BLM: variants seen among roughly 807,000 people sequenced by gnomAD.
BLM encodes BLM RecQ like helicase.
Under a neutral mutation model 135.3 loss-of-function variants are expected in BLM, and 95 were observed. The observed-to-expected ratio is 0.70, with a 90% CI of 0.59 to 0.83. BLM has a LOEUF of 0.83. BLM is among the 40% of genes least tolerant of loss of function. The pLI, the probability that BLM is intolerant of heterozygous loss-of-function variation, is 0.00. For missense variants in BLM, 1,518 were observed against 1,663.9 expected (o/e 0.91, Z 1.53); for synonymous variants, 520 against 589.2 (o/e 0.88, Z 1.70).
chr15:90,772,090 T>C (rs1182067565), intron 12 of BLM, among the ~76,000 whole-genome samples: 2 of 152,226 alleles, frequency 1.3e-5, no homozygotes, highest in African/African-American at 4.8e-5. Flanking sequence ...TGTTTGGCAC[T>C]TCTCTGCATT....
rs28385069 is a variant in BLM at position 90,790,035 on chromosome 15, C to A, written c.2824-614C>A. Among the ~76,000 whole-genome samples, 587 of 106,882 alleles carry A rather than the reference C, an allele frequency of 5.5e-3. 4 individuals are homozygous for A. Among genetic ancestry groups the A allele is most frequent in the African/African-American group, 0.02 (561 of 27,410 alleles). 70.1% of individuals were successfully genotyped at this position (106,882 alleles called of 152,430 possible). On this transcript the variant is annotated intron_variant, in intron 14 of 21. Transcript: ENST00000355112. ...TTTTTTTTTTTTTTGGTATAAGTAG[C>A]TCTCAGACTTTTACCCACATGAGTT...
intron 12 of BLM, among the ~76,000 whole-genome samples, chr15:90,781,928 T>C (rs1896625858): frequency 6.6e-6 from 1 of 152,250 alleles, no homozygotes; most frequent in Admixed American, 6.5e-5. Flanking sequence ...ACTGGGCTCC[T>C]GACTTACTTT....
chr15:90,808,267 C>T (rs993778775), intron 19 of BLM, among the ~76,000 whole-genome samples: 1 of 152,198 alleles, frequency 6.6e-6, no homozygotes. Flanking sequence ...TGCTTTTCCT[C>T]TAAACATGGG....
intron 1 of BLM, among the ~76,000 whole-genome samples, chr15:90,739,801 T>G (rs1895316960): frequency 1.3e-5 from 2 of 152,212 alleles, no homozygotes; most frequent in South Asian, 4.1e-4. Context: ...GGTCTTGCTC[T>G]GTTGCCCAGG....
Position 90,804,201 on chromosome 15 carries a change from T to A in BLM, c.3593T>A (p.Val1198Glu). Residue 1198 changes from valine (V) to glutamate (E), a missense_variant, in exon 19 of 22, where the codon GTG (valine) becomes GAG (glutamate). By Grantham distance (121) the Val-to-Glu change is moderately radical (BLOSUM62 -2). Around this residue, in one of 5 missense-constraint regions of BLM, gnomAD observed 626 missense variants for 681.1 expected, o/e 0.92. Transcript: ENST00000355112. ...ATGGAAACAGAAAATTCCAGCAGTGTGAAAAAACAAAAAGCGTTAGTAGCA... is the reference window on the plus strand; with the variant it reads ...ATGGAAACAGAAAATTCCAGCAGTGAGAAAAAACAAAAAGCGTTAGTAGCA... ...DFMETENSSS[V>E]KKQKALVAKV... 1 of 1,614,038 alleles carries A rather than the reference T, an allele frequency of 6.2e-7. No homozygotes were observed.
In BLM at chr15:90,738,235, G is replaced by A. The variant is rs75920754; in HGVS notation, c.-4-9154G>A. Among the ~76,000 whole-genome samples, 51 of 152,268 alleles carry A rather than the reference G, an allele frequency of 3.3e-4. No individual in the cohort carries two copies. The East Asian group carries it at 8.1e-3, about 24-fold the overall frequency. On this transcript the variant is annotated intron_variant, in intron 1 of 21. Coordinates refer to ENST00000355112, the MANE Select transcript of BLM (RefSeq NM_000057.4). ...TCATTTCTAACCAATATTTAAAGAAGAATTAAGTCCAATTTTCCTCAAGCT... is the reference window on the plus strand; with the variant it reads ...TCATTTCTAACCAATATTTAAAGAAAAATTAAGTCCAATTTTCCTCAAGCT...
chr15:90,815,439 TA>T lies in BLM; in HGVS notation c.*163del. ...GGGGTGATAGTTCTTCTTTTTAAAA[TA>T]AACATTTTCTTTTGAATAAGCATGT... On this transcript the variant is annotated 3_prime_UTR_variant, in exon 22 of 22. Transcript: ENST00000355112. The surrounding 1 kb of genome is among the most constrained non-coding windows in gnomAD (Gnocchi z 4.6). The T allele has an allele frequency of 1.2e-6, 1 of 827,566 alleles. No homozygotes were observed. Among genetic ancestry groups the T allele is most frequent in the Non-Finnish European group, 1.8e-6 (1 of 541,006 alleles). The allele number at this position is 827,566 out of a possible 1,614,324, so 51.3% of individuals were successfully genotyped here. A position where few individuals can be genotyped will look rare whatever the true frequency, so the allele number is the denominator to read the frequency against.
At chr15:90,774,947 TA>T (rs56203661) in intron 12 of BLM, among the ~76,000 whole-genome samples, 1 of 152,074 alleles carries the variant, frequency 6.6e-6, no homozygotes. Flanking sequence ...ATAACGATGG[TA>T]AAATGTTTGG....
Position 90,766,987 on chromosome 15 carries a change from C to A in BLM, c.2271C>A (p.Asp757Glu). 6.3e-7 allele frequency: 1 copy of A among 1,598,572 alleles called. No homozygotes were observed. Among genetic ancestry groups the A allele is most frequent in the South Asian group, 1.1e-5 (1 of 90,034 alleles). Residue 757 changes from aspartate (D) to glutamate (E), a missense_variant, in exon 10 of 22, where the codon GAC becomes GAA. Transcript: ENST00000355112. ...TTTACCTCCAGTTATCAAAAAAAGA[C>A]CCAATCATAAAACTTCTATATGTCA... ...TNIYLQLSKK[D>E]PIIKLLYVTP...
intron 12 of BLM, among the ~76,000 whole-genome samples, chr15:90,772,103 G>T (rs529659443): frequency 9.1e-4 from 139 of 152,318 alleles, no homozygotes; most frequent in Non-Finnish European, 1.3e-3. Flanking sequence ...TCTGCATTTG[G>T]AAGTAGGAAA....
At chr15:90,773,069 C>A (rs1311796687) in intron 12 of BLM, among the ~76,000 whole-genome samples, 1 of 137,356 alleles carries the variant, frequency 7.3e-6, no homozygotes, top group Admixed American at 7.9e-5. Context: ...TGCACCCCAG[C>A]CTGGGCAACA....
At chr15:90,805,199 A>T (rs1356712087) in intron 19 of BLM, among the ~76,000 whole-genome samples, 1 of 150,476 alleles carries the variant, frequency 6.6e-6, no homozygotes, top group African/African-American at 2.4e-5. Flanking sequence ...CATTCTTAAG[A>T]TAAAATATGT....
chr15:90,719,571 G>A (rs1181533035), intron 1 of BLM, among the ~76,000 whole-genome samples: 2 of 152,042 alleles, frequency 1.3e-5, no homozygotes, highest in African/African-American at 4.8e-5. Context: ...CTCCAGCCTG[G>A]GTGACAGAGT....
chr15:90,794,359 T>A lies in BLM; in HGVS notation c.3210+2T>A. The stretch of plus-strand genomic sequence containing the variant: ...TGTGATAATTGCTGTAAAACAAAGG[T>A]AAAAAAAGAAGTTTTAAAATTCTTT... On this transcript the variant is annotated splice_donor_variant, in intron 16 of 21. Coordinates refer to ENST00000355112, the MANE Select transcript of BLM (RefSeq NM_000057.4). LOFTEE classifies it high-confidence loss of function. 1 of 1,571,258 alleles carries A rather than the reference T, an allele frequency of 6.4e-7. No homozygotes were observed. The highest frequency in any genetic ancestry group is 8.6e-7 in the Non-Finnish European group (1 of 1,161,650).
chr15:90,748,923 A>G (rs1210099120), intron 2 of BLM, among the ~76,000 whole-genome samples: 2 of 151,782 alleles, frequency 1.3e-5, no homozygotes, highest in African/African-American at 4.8e-5. Context: ...ATGCCCGGCT[A>G]ATTTTTTGTG....
chr15:90,759,312 A>G (rs1895897222), intron 5 of BLM, among the ~76,000 whole-genome samples: 1 of 152,052 alleles, frequency 6.6e-6, no homozygotes, highest in South Asian at 2.1e-4. Context: ...CTGTAATCCT[A>G]GCACTTTAGG....
At chr15:90,732,695 A>C (rs916464086) in intron 1 of BLM, among the ~76,000 whole-genome samples, 6 of 152,142 alleles carry the variant, frequency 3.9e-5, no homozygotes, top group Admixed American at 6.5e-5. Context: ...CAAACTTAGA[A>C]AGTTAGGAAA....
intron 1 of BLM, among the ~76,000 whole-genome samples, chr15:90,727,407 G>A (rs1045209175): frequency 2.0e-5 from 3 of 152,118 alleles, no homozygotes; most frequent in Admixed American, 6.6e-5. Context: ...GTACGTGAAT[G>A]AGCTAATATA....
chr15:90,754,600 A>G (rs1246789902), intron 4 of BLM, among the ~76,000 whole-genome samples: 1 of 152,232 alleles, frequency 6.6e-6, no homozygotes, highest in South Asian at 2.1e-4. Context: ...CTGAAAGGAC[A>G]TAATCGGAGA....
Sources: allele counts gnomAD v4.1 joint callset (sites outside exome capture counted in the v4.1 genomes callset), GRCh38; gene constraint gnomAD v4.1.1; regional missense constraint gnomAD v4.1.1; non-coding constraint Gnocchi (gnomAD v3.1); transcripts MANE v1.5; gene names NCBI Gene and HGNC (gene_info 2026-07-23, HGNC 2026-07-21).